CEP162: variants seen among roughly 807,000 people sequenced by gnomAD.
CEP162 encodes the protein centrosomal protein 162.
A neutral mutation model predicts 169.2 loss-of-function variants in CEP162; 141 were observed. The ratio of observed to expected loss-of-function variants is 0.83; its 90% CI spans 0.73 to 0.96. The LOEUF is 0.96. CEP162 is among the 40% of genes least tolerant of loss of function. The probability of loss-of-function intolerance (pLI) is 0.00; values close to 1 mark genes in which losing one functional copy is unlikely to be tolerated. For missense variants in CEP162, 1,600 were observed against 1,587.2 expected (o/e 1.01, Z -0.14); for synonymous variants, 540 against 526.4 (o/e 1.03, Z -0.35).
chr6:84,201,376 GTA>G (rs1159967767), intron 8 of CEP162, among the ~76,000 whole-genome samples: 1 of 152,096 alleles, frequency 6.6e-6, no homozygotes, highest in African/African-American at 2.4e-5. Context: ...ACTTATATAT[GTA>G]TATATGTTAC....
chr6:84,202,518 C>CTTTTTTTTTCTTTTTTTTTTTTTTTTTT (rs2099544967), intron 7 of CEP162, among the ~76,000 whole-genome samples: 1 of 90,774 alleles, frequency 1.1e-5, no homozygotes, highest in Non-Finnish European at 2.0e-5. Flanking sequence ...TTCTTTCTTT[C>CTTTTTTTTTCTTTTTTTTTTTTTTTTTT]TTTTTTTTTT....
intron 13 of CEP162, among the ~76,000 whole-genome samples, chr6:84,182,465 T>C (rs2099535322): frequency 2.6e-5 from 4 of 152,128 alleles, no homozygotes; most frequent in Admixed American, 2.6e-4. Flanking sequence ...TGGTTGGTAC[T>C]GCTAACTGCC....
chr6:84,216,099 T>C (rs2099551440), intron 3 of CEP162, 177 bp from the exon 4 acceptor site: 1 of 794,168 alleles, frequency 1.3e-6, no homozygotes, highest in Middle Eastern at 3.9e-4. Flanking sequence ...TATAATTCTA[T>C]TTGGTGGCAC....
chr6:84,129,833 A>G (rs921483899), intron 25 of CEP162, among the ~76,000 whole-genome samples: 4 of 152,112 alleles, frequency 2.6e-5, no homozygotes, highest in African/African-American at 4.8e-5. Context: ...CTCTCTTCCT[A>G]TGTGACTACC....
At chr6:84,225,022 A>G (rs2099555152) in intron 2 of CEP162, among the ~76,000 whole-genome samples, 1 of 152,138 alleles carries the variant, frequency 6.6e-6, no homozygotes, top group South Asian at 2.1e-4. Flanking sequence ...AGAAGGCATT[A>G]TTTTTCCATG....
In CEP162 at chr6:84,205,808, T is replaced by C. The variant is rs566328349; in HGVS notation, c.572-1712A>G. On this transcript the variant is annotated intron_variant, in intron 6 of 26. Transcript: ENST00000403245. ...CCTGTTTGCAGATGACATGATTGTA[T>C]ATTTAGAATACCCCACTGTCTCAGC... Among the ~76,000 whole-genome samples the C allele has an allele frequency of 4.0e-5, 6 of 151,718 alleles. No homozygotes were observed. In the South Asian group the frequency reaches 1.2e-3, roughly 31 times the overall value.
intron 25 of CEP162, among the ~76,000 whole-genome samples, chr6:84,141,288 A>G (rs1363429758): frequency 1.3e-5 from 2 of 152,172 alleles, no homozygotes; most frequent in Non-Finnish European, 2.9e-5. Context: ...GCATTCATTC[A>G]AAACAAATGT....
intron 6 of CEP162, among the ~76,000 whole-genome samples, chr6:84,207,305 C>T (rs149158530): frequency 1.8e-4 from 27 of 152,108 alleles, no homozygotes; most frequent in Non-Finnish European, 1.0e-4. Flanking sequence ...ATAGCAAAGA[C>T]TTGGAGTCAA....
intron 18 of CEP162, among the ~76,000 whole-genome samples, chr6:84,169,049 T>A (rs1271554293): frequency 6.6e-6 from 1 of 152,172 alleles, no homozygotes; most frequent in Non-Finnish European, 1.5e-5. Context: ...TATGGCTCTA[T>A]GATAAATGCA....
At chr6:84,223,820 T>C (rs1426129356) in intron 2 of CEP162, among the ~76,000 whole-genome samples, 1 of 151,446 alleles carries the variant, frequency 6.6e-6, no homozygotes, top group East Asian at 2.0e-4. Flanking sequence ...GGCATAGGAA[T>C]TGCTTAAGCC....
chr6:84,126,393 T>A lies in CEP162; in HGVS notation c.3990A>T (p.Glu1330Asp). 6.3e-7 allele frequency: 1 copy of A among 1,595,592 alleles called. No individual in the cohort carries two copies. The highest frequency in any genetic ancestry group is 1.2e-5 in the South Asian group (1 of 86,560). The change falls in exon 26 of 27, where the codon GAA becomes GAT. Residue 1330 changes from glutamate (E) to aspartate (D), a missense_variant. By Grantham distance (45) the Glu-to-Asp change is conservative. Transcript: ENST00000403245. ...KQMEMRHAQR[E>D]QELQQIIQQT... ...TTTACTTTACCTGTTGAAGTTCCTGTTCTCTTTGTGCATGTCTCATTTCCA... is the reference window on the plus strand; with the variant it reads ...TTTACTTTACCTGTTGAAGTTCCTGATCTCTTTGTGCATGTCTCATTTCCA...
chr6:84,153,228 T>TAATG (rs1270118531), intron 22 of CEP162, 49 bp from the exon 23 acceptor site: 1 of 1,531,524 alleles, frequency 6.5e-7, no homozygotes, highest in Non-Finnish European at 8.7e-7. Flanking sequence ...AACGTTTCAT[T>TAATG]AGTTGCTGAA....
rs557684311 is a variant in CEP162, at chr6:84,137,105, G to C, written c.3870+9582C>G. On this transcript the variant is annotated intron_variant, in intron 25 of 26. Coordinates refer to ENST00000403245, the MANE Select transcript of CEP162 (RefSeq NM_014895.4). ...AGCAAGGGAATAAGAGTCATACCTG[G>C]CAGGTGGTATGAGTCTTATTTCCTT... 3.3e-5 allele frequency among the ~76,000 whole-genome samples: 5 copies of C among 152,296 alleles called. No individual in the cohort carries two copies. The East Asian group carries it at 9.7e-4, about 29-fold the overall frequency.
intron 11 of CEP162, among the ~76,000 whole-genome samples, chr6:84,189,797 G>A (rs976631991): frequency 3.3e-5 from 5 of 152,238 alleles, no homozygotes; most frequent in Non-Finnish European, 5.9e-5. Context: ...CTGCAGCCCC[G>A]GTGCGGGATC....
chr6:84,175,257 G>A lies in CEP162; in HGVS notation c.1754C>T (p.Ser585Phe). 2.6e-6 allele frequency: 4 copies of A among 1,544,598 alleles called. No homozygotes were observed. Among genetic ancestry groups the A allele is most frequent in the Non-Finnish European group, 3.5e-6 (4 of 1,142,950 alleles). ...TESCLSTRKK[S>F]ENPTETDSCI... The stretch of plus-strand genomic sequence containing the variant: ...GGAATCAGTTTCTGTGGGATTTTCA[G>A]ACTTCTTACGAGTAGACAGGCAACT... The change falls in exon 14 of 27, where the codon TCT becomes TTT. Residue 585 changes from serine (S) to phenylalanine (F), a missense_variant. Coordinates refer to ENST00000403245, the MANE Select transcript of CEP162 (RefSeq NM_014895.4).
chr6:84,201,225 C>T (rs2099544328), intron 8 of CEP162, among the ~76,000 whole-genome samples: 1 of 152,122 alleles, frequency 6.6e-6, no homozygotes, highest in African/African-American at 2.4e-5. Flanking sequence ...TTGCAGTGAG[C>T]CAAGATTACA....
intron 11 of CEP162, among the ~76,000 whole-genome samples, chr6:84,189,946 A>C (rs1057307602): frequency 6.6e-6 from 1 of 152,042 alleles, no homozygotes; most frequent in Non-Finnish European, 1.5e-5. Flanking sequence ...GACACTCTGT[A>C]TCTAGCTGCT....
Position 84,169,220 on chromosome 6 carries a change from ATTT to A in CEP162, c.2385+105_2385+107del. On this transcript the variant is annotated intron_variant, in intron 18 of 26. Coordinates refer to ENST00000403245, the MANE Select transcript of CEP162 (RefSeq NM_014895.4). ...GTTTTAAATGGTATGAAATTTATAG[ATTT>A]TTTAATACATTTCTATGTAATTTTT... is the stretch of plus-strand genomic sequence containing the variant. 5.9e-6 allele frequency: 4 copies of A among 673,258 alleles called. No homozygotes were observed. The Admixed American group carries it at 9.9e-5, about 17-fold the overall frequency. The allele number at this position is 673,258 out of a possible 1,614,324, so 41.7% of individuals were successfully genotyped here. A position where few individuals can be genotyped will look rare whatever the true frequency, so the allele number is the denominator to read the frequency against.
intron 6 of CEP162, among the ~76,000 whole-genome samples, chr6:84,205,904 C>A (rs1313020790): frequency 6.7e-6 from 1 of 149,098 alleles, no homozygotes; most frequent in Non-Finnish European, 1.5e-5. Context: ...GCAAAAATCA[C>A]AAACATTCCT....
Sources: gnomAD v4.1 joint callset for allele counts (sites outside exome capture counted in the v4.1 genomes callset) on GRCh38, gnomAD v4.1.1 for gene constraint, MANE v1.5 for transcripts, NCBI Gene and HGNC (gene_info 2026-07-23, HGNC 2026-07-21) for gene names.